The following RHPN1 variants were observed in gnomAD, a reference collection of about 807,000 sequenced individuals.
RHPN1 encodes the protein rhophilin-1.
In RHPN1, 77 loss-of-function variants were observed where a neutral mutation model predicts 74.7. That is an observed-to-expected ratio of 1.03 (90% CI 0.86 to 1.25). The LOEUF (loss-of-function observed/expected upper bound fraction) is 1.25. Among genes scored for constraint, RHPN1 ranks in the 50% most tolerant of loss-of-function variants. RHPN1 has a pLI of 0.00. For missense variants in RHPN1, 987 were observed against 932.2 expected (o/e 1.06, Z -0.77); for synonymous variants, 444 against 414.5 (o/e 1.07, Z -0.87).
chr8:143,369,176 G>T, intron 1 of RHPN1, 129 bp downstream of exon 1: 2 of 645,678 alleles, frequency 3.1e-6, no homozygotes, highest in South Asian at 4.9e-5. Context: ...CAGGGAAACT[G>T]AGGCCAGAGC....
At position 143,379,425 on chromosome 8, in the gene RHPN1, G is replaced by T. The variant is rs1409550594; in HGVS notation, c.862G>T (p.Val288Leu). The change falls in exon 8 of 15, where the codon GTG (valine) becomes TTG (leucine). Residue 288 changes from valine (V) to leucine (L), a missense_variant. Coordinates refer to ENST00000289013, the MANE Select transcript of RHPN1 (RefSeq NM_052924.3). Reference sequence around the variant, plus strand: ...CATGATGGCCCAGGCCCAGGAATGTGTGTTTGAGGGCCTCTCACCACCTGC... The same window carrying T: ...CATGATGGCCCAGGCCCAGGAATGTTTGTTTGAGGGCCTCTCACCACCTGC... The part of the protein sequence containing the change: ...QLMMAQAQEC[V>L]FEGLSPPASM... 1 of 1,581,450 alleles carries T rather than the reference G, an allele frequency of 6.3e-7. No individual in the cohort carries two copies. Among genetic ancestry groups the T allele is most frequent in the Non-Finnish European group, 8.6e-7 (1 of 1,164,242 alleles).
intron 1 of RHPN1, among the ~76,000 whole-genome samples, chr8:143,371,107 G>A (rs557500019): frequency 3.1e-4 from 47 of 152,286 alleles, no homozygotes; most frequent in Non-Finnish European, 5.4e-4. Flanking sequence ...CAGTGCCTGG[G>A]TACCCCAGGG....
upstream of RHPN1, among the ~76,000 whole-genome samples, chr8:143,366,338 G>C (rs1817555544): frequency 1.3e-5 from 2 of 151,768 alleles, no homozygotes; most frequent in Admixed American, 1.3e-4. Flanking sequence ...TTAAACTTCA[G>C]AAGTGCACAA....
intron 2 of RHPN1, among the ~76,000 whole-genome samples, 156 bp from the exon 3 acceptor site, chr8:143,376,369 C>G (rs1195845593): frequency 1.3e-5 from 2 of 152,234 alleles, no homozygotes; most frequent in Non-Finnish European, 2.9e-5. Context: ...CCACTGCTGC[C>G]CCTGCCCCAC....
rs1274780200 is a variant in RHPN1, at chr8:143,377,373, G to A, written c.306-7G>A. On this transcript the variant is annotated splice_polypyrimidine_tract_variant and splice_region_variant and intron_variant, in intron 3 of 14. Coordinates refer to ENST00000289013, the MANE Select transcript of RHPN1 (RefSeq NM_052924.3). ...TTACAGTCTGAAGTCGATGCTTCTG[G>A]TTACAGCGAAGCTGTCACTGTCCCC... 6.2e-7 allele frequency: 1 copy of A among 1,612,340 alleles called. No individual in the cohort carries two copies.
chr8:143,374,211 C>T lies in RHPN1; in HGVS notation c.61-1342C>T, dbSNP rs988871641. ...CGGGAAGGCCTGAGAGACGTGTGTG[C>T]GTGGAGAGGGTGTCGGGTCCACAGA... On this transcript the variant is annotated intron_variant, in intron 1 of 14. Coordinates refer to ENST00000289013, the MANE Select transcript of RHPN1 (RefSeq NM_052924.3). 22 of 985,280 alleles carry T rather than the reference C, an allele frequency of 2.2e-5. No individual in the cohort carries two copies. In the Admixed American group the frequency reaches 8.6e-4, roughly 39 times the overall value. 61.0% of individuals were successfully genotyped at this position (985,280 alleles called of 1,614,324 possible).
intron 1 of RHPN1, among the ~76,000 whole-genome samples, chr8:143,372,084 C>T (rs1817862593): frequency 6.6e-6 from 1 of 152,116 alleles, no homozygotes; most frequent in South Asian, 2.1e-4. Context: ...TGTGGGGCTC[C>T]AAGGGGCCAG....
upstream of RHPN1, among the ~76,000 whole-genome samples, chr8:143,364,853 G>C (rs369122004): frequency 2.6e-4 from 40 of 152,138 alleles, no homozygotes; most frequent in East Asian, 1.3e-3. The surrounding 1 kb of genome is among the most constrained non-coding windows in gnomAD (Gnocchi z 4.5). Context: ...CCCTCCTGTT[G>C]CCTCCACAGA....
chr8:143,379,252 C>T, intron 7 of RHPN1, 63 bp from the exon 8 acceptor site: 1 of 1,470,460 alleles, frequency 6.8e-7, no homozygotes, highest in South Asian at 1.4e-5. Flanking sequence ...GCCCTGAGTG[C>T]TGCATGGGGC....
At chr8:143,366,370 C>T (rs1817555786), upstream of RHPN1, among the ~76,000 whole-genome samples, 1 of 152,084 alleles carries the variant, frequency 6.6e-6, no homozygotes, top group African/African-American at 2.4e-5. Flanking sequence ...CAAACCCACA[C>T]ATGTACCTCC....
chr8:143,378,014 G>A (rs577570488), intron 4 of RHPN1, among the ~76,000 whole-genome samples: 29 of 152,352 alleles, frequency 1.9e-4, no homozygotes, highest in African/African-American at 6.0e-4. Context: ...TCTGTGATGG[G>A]GTGGGGAAAC....
At position 143,381,718 on chromosome 8, in the gene RHPN1, G is replaced by T. The variant is rs745702239; in HGVS notation, c.1635G>T (p.Ala545=). 9 of 1,609,276 alleles carry T rather than the reference G, an allele frequency of 5.6e-6. No homozygotes were observed. The highest frequency in any genetic ancestry group is 4.2e-6 in the Non-Finnish European group (5 of 1,178,540). Residue 545 remains alanine, a splice_region_variant and synonymous_variant, in exon 13 of 15, where the codon GCG becomes GCT. Transcript: ENST00000289013. ...CCGTCATTCCAGGGAGCCAGGCCGC[G>T]GTAAGGGCCCCGCCGGCCCCCTGAG... is the stretch of plus-strand genomic sequence containing the variant. ...IAAVIPGSQA[A]AAGLKEGDYI... is the part of the protein sequence containing the mutation.
chr8:143,372,767 TTGGGGGATGGTACAGGTGTC>T (rs1178164540), intron 1 of RHPN1, among the ~76,000 whole-genome samples: 1 of 142,238 alleles, frequency 7.0e-6, no homozygotes, highest in South Asian at 2.3e-4. Flanking sequence ...GTACAGGGGT[TTGGGGGATGGTACAGGTGTC>T]TGGGGGATGG....
chr8:143,371,009 C>T (rs1817784392), intron 1 of RHPN1, among the ~76,000 whole-genome samples: 1 of 152,152 alleles, frequency 6.6e-6, no homozygotes, highest in Admixed American at 6.5e-5. Context: ...CCTGGCTGGA[C>T]AGGAGCACCC....
chr8:143,369,732 C>T (rs985693431), intron 1 of RHPN1, among the ~76,000 whole-genome samples: 2 of 152,222 alleles, frequency 1.3e-5, no homozygotes, highest in African/African-American at 4.8e-5. Context: ...TCCTGCCAGG[C>T]CCTGGGCGCC....
At position 143,376,613 on chromosome 8, in the gene RHPN1, G is replaced by A. The variant is rs1818235557; in HGVS notation, c.265G>A (p.Glu89Lys). 6.3e-7 allele frequency: 1 copy of A among 1,593,748 alleles called. No individual in the cohort carries two copies. Among genetic ancestry groups the A allele is most frequent in the Non-Finnish European group, 8.5e-7 (1 of 1,170,570 alleles). The change falls in exon 3 of 15, where the codon GAG becomes AAG. Residue 89 changes from glutamate (E) to lysine (K), a missense_variant. Glu to Lys is a moderately conservative substitution (Grantham distance 56, BLOSUM62 1). Coordinates refer to ENST00000289013, the MANE Select transcript of RHPN1 (RefSeq NM_052924.3). ...CCTGCAGCTGCTGAAGGAGGAGCTG[G>A]AGGAGCTCAGCGGTGGCGTGGACCC... is the stretch of plus-strand genomic sequence containing the variant. ...SNLQLLKEEL[E>K]ELSGGVDPGR...
In RHPN1 at chr8:143,382,559, G is replaced by A. The variant is rs760619545; in HGVS notation, c.1921G>A (p.Ala641Thr). The change falls in exon 15 of 15, where the codon GCC (alanine) becomes ACC (threonine). Residue 641 changes from alanine (A) to threonine (T), a missense_variant. Transcript: ENST00000289013. The part of the protein sequence containing the change: ...PRPLLNWSRK[A>T]QQGKTGGCPQ... ...GCCCCTCCTCAACTGGAGCCGAAAG[G>A]CCCAGCAGGGCAAGACTGGAGGCTG... The A allele has an allele frequency of 1.8e-5, 29 of 1,611,508 alleles. No homozygotes were observed. The highest frequency in any genetic ancestry group is 2.5e-5 in the Non-Finnish European group (29 of 1,179,674).
chr8:143,381,826 G>T lies in RHPN1; in HGVS notation c.1655G>T (p.Gly552Val), dbSNP rs772531720. 2.5e-6 allele frequency: 4 copies of T among 1,612,814 alleles called. No homozygotes were observed. Among genetic ancestry groups the T allele is most frequent in the Non-Finnish European group, 2.5e-6 (3 of 1,179,708 alleles). The change falls in exon 14 of 15, where the codon GGC becomes GTC. Residue 552 changes from glycine (G) to valine (V), a missense_variant. Coordinates refer to ENST00000289013, the MANE Select transcript of RHPN1 (RefSeq NM_052924.3). ...CCACAGGCGGCTGGCCTGAAGGAGG[G>T]CGACTACATTGTGTCAGTGAATGGG... ...SQAAAAGLKEGDYIVSVNGQP... is the reference protein window; with the variant it reads ...SQAAAAGLKEVDYIVSVNGQP...
intron 3 of RHPN1, among the ~76,000 whole-genome samples, chr8:143,377,052 CTG>C (rs990558492): frequency 1.3e-4 from 6 of 45,788 alleles, no homozygotes; most frequent in African/African-American, 1.9e-4. Flanking sequence ...CTGTGTGTGT[CTG>C]TGTGTGCGCG....
Sources: gnomAD v4.1 joint callset for allele counts (sites outside exome capture counted in the v4.1 genomes callset) on GRCh38, gnomAD v4.1.1 for gene constraint, Gnocchi (gnomAD v3.1) non-coding constraint, MANE v1.5 for transcripts, NCBI Gene and HGNC (gene_info 2026-07-23, HGNC 2026-07-21) for gene names.